The following CWH43 variants were observed in gnomAD, a reference collection of about 807,000 sequenced individuals.
CWH43 encodes PGAP2-interacting protein.
Under a neutral mutation model 85.7 loss-of-function variants are expected in CWH43, and 91 were observed. The ratio of observed to expected loss-of-function variants is 1.06; its 90% CI spans 0.90 to 1.26. CWH43 has a LOEUF of 1.26. Ranked by LOEUF, CWH43 falls within the 50% of genes most tolerant of loss-of-function variation. CWH43 has a pLI of 0.00. For synonymous variants in CWH43, 323 were observed against 293.6 expected (o/e 1.10, Z -1.02); for missense variants, 869 against 839.2 (o/e 1.04, Z -0.44).
chr4:48,991,148 G>A (rs964577669), intron 2 of CWH43, among the ~76,000 whole-genome samples: 1 of 152,166 alleles, frequency 6.6e-6, no homozygotes, highest in Non-Finnish European at 1.5e-5. Context: ...GGAATGAGAA[G>A]TGACCTGCTA....
At chr4:48,998,127 C>G (rs775248170) in intron 5 of CWH43, among the ~76,000 whole-genome samples, 5 of 152,140 alleles carry the variant, frequency 3.3e-5, no homozygotes, top group Non-Finnish European at 7.4e-5. Flanking sequence ...AAATAGAAAC[C>G]ATTCCAATGA....
In CWH43 at chr4:49,046,144, A is replaced by T. The variant is rs138206877; in HGVS notation, c.1865+1297A>T. Among the ~76,000 whole-genome samples, 633 of 152,232 alleles carry T rather than the reference A, an allele frequency of 4.2e-3. 7 individuals are homozygous for T. The highest frequency in any genetic ancestry group is 0.014 in the African/African-American group (601 of 41,540). ...GCACAATCTACATTTCTTAGAATGCATTCTTGTTGTTAAGTGACACATGAC... is the reference window on the plus strand; with the variant it reads ...GCACAATCTACATTTCTTAGAATGCTTTCTTGTTGTTAAGTGACACATGAC... On this transcript the variant is annotated intron_variant, in intron 14 of 15. Transcript: ENST00000226432.
intron 4 of CWH43, among the ~76,000 whole-genome samples, chr4:48,993,132 C>T (rs1261379448): frequency 2.6e-5 from 4 of 152,176 alleles, no homozygotes; most frequent in Non-Finnish European, 5.9e-5. Flanking sequence ...GTCCCTTCCT[C>T]CATTTCTGCT....
At position 49,007,264 on chromosome 4, in the gene CWH43, T is replaced by A; in HGVS notation, c.1124T>A (p.Leu375His). The A allele has an allele frequency of 6.2e-7, 1 of 1,612,004 alleles. No individual in the cohort carries two copies. Among genetic ancestry groups the A allele is most frequent in the Non-Finnish European group, 8.5e-7 (1 of 1,179,024 alleles). Residue 375 changes from leucine to histidine, a missense_variant, in exon 8 of 16, where the codon CTT (leucine) becomes CAT (histidine). This residue lies in a region of CWH43 where 577 missense variants were observed against 513.1 expected (regional missense o/e 1.12). Transcript: ENST00000226432. ...GGTCCTAAGAAAAACCTTGACTTGCTTCTTCAAACAAAAAACAGTTCTAAA... is the reference window on the plus strand; with the variant it reads ...GGTCCTAAGAAAAACCTTGACTTGCATCTTCAAACAAAAAACAGTTCTAAA... ...LFGPKKNLDLLLQTKNSSKVL... is the reference protein window; with the variant it reads ...LFGPKKNLDLHLQTKNSSKVL...
Position 49,039,332 on chromosome 4 carries a change from T to TATATATATATATATATATATATATGC in CWH43, c.1803+1153_1803+1154insTATATATATATATATATATATATGCA, listed in dbSNP as rs1228183888. 4.1e-5 allele frequency among the ~76,000 whole-genome samples: 2 copies of TATATATATATATATATATATATATGC among 48,484 alleles called. 1 individual carries two copies. Among genetic ancestry groups the TATATATATATATATATATATATATGC allele is most frequent in the African/African-American group, 1.3e-4 (2 of 15,212 alleles). The allele number at this position is 48,484 out of a possible 152,430, so 31.8% of individuals were successfully genotyped here. ...ATATATATATATATATATATATATATACTGATGTATATATATACTGATATA... is the reference window on the plus strand; with the variant it reads ...ATATATATATATATATATATATATATATATATATATATATATATATATATGCACTGATGTATATATATACTGATATA... On this transcript the variant is annotated intron_variant, in intron 13 of 15. Coordinates refer to ENST00000226432, the MANE Select transcript of CWH43 (RefSeq NM_025087.3).
chr4:49,017,730 T>C (rs1386598618), intron 9 of CWH43, among the ~76,000 whole-genome samples: 2 of 152,166 alleles, frequency 1.3e-5, no homozygotes. Context: ...CTGTTCTACT[T>C]CTGGGGAGGC....
chr4:49,039,723 CT>C (rs1298194457), intron 13 of CWH43, among the ~76,000 whole-genome samples: 19 of 149,660 alleles, frequency 1.3e-4, no homozygotes, highest in Admixed American at 2.7e-4. Context: ...GAGTGTATTT[CT>C]TTTTTTTTCT....
At chr4:49,043,238 A>G (rs1170118095) in intron 13 of CWH43, among the ~76,000 whole-genome samples, 1 of 152,226 alleles carries the variant, frequency 6.6e-6, no homozygotes, top group Admixed American at 6.5e-5. Flanking sequence ...TACATGACAT[A>G]TATTATGTGT....
intron 12 of CWH43, among the ~76,000 whole-genome samples, chr4:49,034,762 T>C (rs1048722936): frequency 3.3e-5 from 5 of 152,200 alleles, no homozygotes; most frequent in East Asian, 1.9e-4. Flanking sequence ...GTTTCTTAAC[T>C]ACCTTGAGCT....
At chr4:49,039,398 CTGATATATATATAT>C (rs1489786384) in intron 13 of CWH43, among the ~76,000 whole-genome samples, 3 of 93,136 alleles carry the variant, frequency 3.2e-5, no homozygotes, top group Middle Eastern at 6.4e-3. Context: ...TATATACACA[CTGATATATATATAT>C]ACTGATATAT....
At chr4:49,032,427 C>A in intron 11 of CWH43, 139 bp from the exon 12 acceptor site, 1 of 879,618 alleles carries the variant, frequency 1.1e-6, no homozygotes, top group Non-Finnish European at 1.8e-6. Flanking sequence ...CCATATAAGT[C>A]TCTGCCGCAT....
At chr4:49,016,802 T>C in intron 8 of CWH43, 1 of 776,822 alleles carries the variant, frequency 1.3e-6, no homozygotes, top group Non-Finnish European at 2.4e-6. Context: ...CAAGTCCCTC[T>C]GCCAGAGCAC....
chr4:49,044,284 A>T (rs1560512036), intron 13 of CWH43, among the ~76,000 whole-genome samples: 1 of 152,242 alleles, frequency 6.6e-6, no homozygotes, highest in Non-Finnish European at 1.5e-5. Context: ...TAAGAAACAC[A>T]GATGGAACAC....
intron 8 of CWH43, among the ~76,000 whole-genome samples, chr4:49,011,778 T>C (rs1783369830): frequency 6.6e-6 from 1 of 152,252 alleles, no homozygotes; most frequent in Non-Finnish European, 1.5e-5. Flanking sequence ...AATTCTTTTC[T>C]TTAAGAATGT....
chr4:49,028,865 C>T, intron 10 of CWH43, 131 bp downstream of exon 10: 1 of 610,404 alleles, frequency 1.6e-6, no homozygotes, highest in Non-Finnish European at 2.8e-6. Flanking sequence ...ATCATAAACT[C>T]ACCTCAAAAA....
chr4:48,996,043 T>A (rs1266532074), intron 5 of CWH43, among the ~76,000 whole-genome samples: 1 of 151,492 alleles, frequency 6.6e-6, no homozygotes, highest in Non-Finnish European at 1.5e-5. Flanking sequence ...TTCCAAATGC[T>A]TTCTGATCTT....
intron 11 of CWH43, 143 bp downstream of exon 11, chr4:49,031,103 A>G (rs1784082465): frequency 4.2e-6 from 3 of 715,668 alleles, no homozygotes; most frequent in Non-Finnish European, 6.6e-6. Flanking sequence ...TGCTGGAGAT[A>G]TGCACATTCT....
intron 9 of CWH43, among the ~76,000 whole-genome samples, chr4:49,025,525 A>G (rs1475499435): frequency 6.6e-6 from 1 of 152,158 alleles, no homozygotes; most frequent in African/African-American, 2.4e-5. Context: ...TGCTCTTCAG[A>G]TTCTTTTCTC....
intron 2 of CWH43, 72 bp downstream of exon 2, chr4:48,988,740 C>G (rs1782567522): frequency 3.5e-6 from 3 of 857,552 alleles, no homozygotes; most frequent in Non-Finnish European, 5.1e-6. Flanking sequence ...GTAGACTGTT[C>G]TTTGAATACT....
Sources: allele counts gnomAD v4.1 joint callset (sites outside exome capture counted in the v4.1 genomes callset), GRCh38; gene constraint gnomAD v4.1.1; regional missense constraint gnomAD v4.1.1; transcripts MANE v1.5; gene names NCBI Gene and HGNC (gene_info 2026-07-23, HGNC 2026-07-21).